LRP5: variants seen among roughly 807,000 people sequenced by gnomAD.
The protein encoded by LRP5 is LDL receptor related protein 5.
Under a neutral mutation model 154.1 loss-of-function variants are expected in LRP5, and 62 were observed. The ratio of observed to expected loss-of-function variants is 0.40; its 90% CI spans 0.33 to 0.50. The LOEUF (loss-of-function observed/expected upper bound fraction) is 0.50, where lower values mean the gene tolerates loss of function less well. Among genes scored for constraint, LRP5 ranks in the 20% least tolerant of loss-of-function variants. LRP5 has a pLI of 0.55. For synonymous variants in LRP5, 966 were observed against 1,011.5 expected, an observed-to-expected ratio of 0.96 and a Z score of 0.85; for missense variants, 1,915 against 2,336.7, an observed-to-expected ratio of 0.82 and a Z score of 3.72.
chr11:68,439,284 C>A (rs533098623), intron 20 of LRP5, among the ~76,000 whole-genome samples: 1 of 152,324 alleles, frequency 6.6e-6, no homozygotes, highest in South Asian at 2.1e-4. Flanking sequence ...ATTGCCTCTG[C>A]CTGCCCAGCC....
At chr11:68,352,926 G>C (rs2098620032) in intron 2 of LRP5, among the ~76,000 whole-genome samples, 1 of 151,764 alleles carries the variant, frequency 6.6e-6, no homozygotes, top group African/African-American at 2.4e-5. Flanking sequence ...CTTGGTGCCT[G>C]GTTGGGAGTA....
chr11:68,382,660 G>A (rs553946071), intron 5 of LRP5, among the ~76,000 whole-genome samples: 1 of 152,302 alleles, frequency 6.6e-6, no homozygotes, highest in South Asian at 2.1e-4. Flanking sequence ...GATGATGAAG[G>A]CAGCCAGGCG....
intron 7 of LRP5, among the ~76,000 whole-genome samples, chr11:68,402,773 G>A (rs1210815608): frequency 6.6e-6 from 1 of 152,212 alleles, no homozygotes; most frequent in African/African-American, 2.4e-5. Context: ...TGCGGAGCAC[G>A]CCCTGGTTCT....
chr11:68,333,550 T>C (rs1225845030), intron 1 of LRP5, among the ~76,000 whole-genome samples: 1 of 152,206 alleles, frequency 6.6e-6, no homozygotes, highest in Non-Finnish European at 1.5e-5. Flanking sequence ...ACTTTCTGGC[T>C]CAGGGATGGG....
intron 20 of LRP5, among the ~76,000 whole-genome samples, chr11:68,439,153 C>T (rs1447094795): frequency 6.6e-6 from 1 of 152,236 alleles, no homozygotes; most frequent in East Asian, 1.9e-4. Context: ...GATGGCTGGG[C>T]AGCCGCACCG....
At chr11:68,344,030 A>T (rs1046994299) in intron 1 of LRP5, among the ~76,000 whole-genome samples, 1 of 152,020 alleles carries the variant, frequency 6.6e-6, no homozygotes, top group East Asian at 1.9e-4. Flanking sequence ...GTTCCAGAGC[A>T]GCTGCCTTCC....
intron 14 of LRP5, among the ~76,000 whole-genome samples, chr11:68,424,378 T>C (rs1313869112): frequency 6.6e-6 from 1 of 152,040 alleles, no homozygotes; most frequent in African/African-American, 2.4e-5. Context: ...CTTGGGCGGG[T>C]GGCATAGCCT....
intron 7 of LRP5, among the ~76,000 whole-genome samples, chr11:68,391,357 T>G (rs1292434688): frequency 1.3e-5 from 2 of 152,230 alleles, no homozygotes; most frequent in Non-Finnish European, 2.9e-5. Flanking sequence ...GAGGTGACAT[T>G]GGTGCCTCTC....
At chr11:68,342,455 T>C (rs2098609711) in intron 1 of LRP5, among the ~76,000 whole-genome samples, 1 of 152,118 alleles carries the variant, frequency 6.6e-6, no homozygotes, top group Admixed American at 6.5e-5. Context: ...GGAGGTGCCA[T>C]CTTTGCCTGC....
chr11:68,403,706 C>G lies in LRP5; in HGVS notation c.1801+7C>G. On this transcript the variant is annotated splice_region_variant and intron_variant, in intron 8 of 22. Coordinates refer to ENST00000294304, the MANE Select transcript of LRP5 (RefSeq NM_002335.4). ...AATGTGGCCAAGGTCGTCGGTGAGT[C>G]CGGGGGGTCCCAAGCCATGGCTCAG... 6.2e-7 allele frequency: 1 copy of G among 1,612,830 alleles called. No homozygotes were observed. Among genetic ancestry groups the G allele is most frequent in the Non-Finnish European group, 8.5e-7 (1 of 1,179,964 alleles).
At chr11:68,300,925 A>AT in the LRP5 span, among the ~76,000 whole-genome samples, 25 of 145,922 alleles carry the variant, frequency 1.7e-4, no homozygotes, top group East Asian at 3.9e-4. Context: ...TCATTAATTT[A>AT]TTTTTTTTTT....
intron 19 of LRP5, among the ~76,000 whole-genome samples, chr11:68,437,516 G>A (rs1177436871): frequency 6.6e-6 from 1 of 152,208 alleles, no homozygotes; most frequent in Non-Finnish European, 1.5e-5. Context: ...CAGAGGCAGT[G>A]GCTCCTGAAA....
chr11:68,364,388 G>C (rs1157817187), intron 4 of LRP5, among the ~76,000 whole-genome samples: 1 of 149,038 alleles, frequency 6.7e-6, no homozygotes, highest in Non-Finnish European at 1.5e-5. Context: ...GTGTGTGTGT[G>C]TATGTATTTT....
At chr11:68,314,625 G>A (rs145834626) in intron 1 of LRP5, among the ~76,000 whole-genome samples, 135 of 152,342 alleles carry the variant, frequency 8.9e-4, no homozygotes, top group African/African-American at 3.2e-3. Context: ...TGGTCCCAGT[G>A]CTGAGAACTT....
At chr11:68,364,989 G>T (rs1015905098) in intron 4 of LRP5, among the ~76,000 whole-genome samples, 2 of 152,236 alleles carry the variant, frequency 1.3e-5, no homozygotes, top group African/African-American at 4.8e-5. Context: ...TTCAATTGCT[G>T]TTGGTCATAG....
intron 3 of LRP5, among the ~76,000 whole-genome samples, chr11:68,362,264 G>T (rs1565345912): frequency 6.6e-6 from 1 of 152,334 alleles, no homozygotes; most frequent in East Asian, 1.9e-4. Context: ...TGGGGGCGGG[G>T]ACTGGGGAGT....
At chr11:68,348,918 T>A (rs55640445) in intron 2 of LRP5, among the ~76,000 whole-genome samples, 3,132 of 150,134 alleles carry the variant, frequency 0.021, 75 homozygotes, top group African/African-American at 0.064. Flanking sequence ...CACTCCAGCC[T>A]GGGCGACAAA....
rs1049868811 is a variant in LRP5 at position 68,414,087 on chromosome 11, A to G, written c.2827+75A>G. On this transcript the variant is annotated intron_variant, in intron 12 of 22. Coordinates refer to ENST00000294304, the MANE Select transcript of LRP5 (RefSeq NM_002335.4). ...GGTTCTGGGAGCTGACGCTGAAAGG[A>G]GCTTCTCATCTGGGGTTCCTGGGTG... is the stretch of plus-strand genomic sequence containing the variant. 1.2e-5 allele frequency: 17 copies of G among 1,408,684 alleles called. No individual in the cohort carries two copies. The African/African-American group carries it at 2.3e-4, about 19-fold the overall frequency. 87.3% of individuals were successfully genotyped at this position (1,408,684 alleles called of 1,614,324 possible).
chr11:68,415,145 G>A (rs545892745), intron 12 of LRP5, among the ~76,000 whole-genome samples: 29 of 152,338 alleles, frequency 1.9e-4, no homozygotes, highest in African/African-American at 7.0e-4. Context: ...CTGTTGAGAG[G>A]GAGAGGCCAA....
Sources: gnomAD v4.1 joint callset for allele counts (sites outside exome capture counted in the v4.1 genomes callset) on GRCh38, gnomAD v4.1.1 for gene constraint, MANE v1.5 for transcripts, NCBI Gene and HGNC (gene_info 2026-07-23, HGNC 2026-07-21) for gene names.